The following SLC45A4 variants were observed in gnomAD, a reference collection of about 807,000 sequenced individuals.
SLC45A4 encodes the protein polyamine-transporter SLC45A4.
Under a neutral mutation model 63.7 loss-of-function variants are expected in SLC45A4, and 32 were observed. That is an observed-to-expected ratio of 0.50 (90% CI 0.38 to 0.67). The LOEUF (loss-of-function observed/expected upper bound fraction) is 0.67, where lower values mean the gene tolerates loss of function less well. Among genes scored for constraint, SLC45A4 ranks in the 30% least tolerant of loss-of-function variants. The pLI is 0.00. For synonymous variants in SLC45A4, 535 were observed against 510.0 expected (o/e 1.05, Z -0.66); for missense variants, 1,027 against 1,157.7 (o/e 0.89, Z 1.64).
rs1830960579 is a variant in SLC45A4 at position 141,308,118 on chromosome 8, CGGG to C, written c.-426_-424del. The stretch of plus-strand genomic sequence containing the variant: ...CACCTGTCTCCTCCGGCCGGGGCCG[CGGG>C]GGCGGCGGGGCGGCCGGGCCGGGCC... On this transcript the variant is annotated 5_prime_UTR_variant, in exon 1 of 9. Coordinates refer to ENST00000517878, the MANE Select transcript of SLC45A4 (RefSeq NM_001286646.2). 7.7e-6 allele frequency: 1 copy of C among 130,572 alleles called. No homozygotes were observed. Among genetic ancestry groups the C allele is most frequent in the South Asian group, 2.1e-4 (1 of 4,820 alleles). 8.1% of individuals were successfully genotyped at this position (130,572 alleles called of 1,614,324 possible). A position where few individuals can be genotyped will look rare whatever the true frequency, so the allele number is the denominator to read the frequency against.
In SLC45A4 at chr8:141,207,993, G is replaced by C. The variant is rs1825611092; in HGVS notation, c.*3579C>G. On this transcript the variant is annotated 3_prime_UTR_variant, in exon 9 of 9. Coordinates refer to ENST00000517878, the MANE Select transcript of SLC45A4 (RefSeq NM_001286646.2). ...CCTGTGGCACCAGGCTTGGAGGCAG[G>C]GAGCTGGTGTCTCTCAGAAGCGGCG... is the stretch of plus-strand genomic sequence containing the variant. 6.6e-6 allele frequency: 1 copy of C among 152,382 alleles called. No individual in the cohort carries two copies. Among genetic ancestry groups the C allele is most frequent in the South Asian group, 2.1e-4 (1 of 4,842 alleles). The allele number at this position is 152,382 out of a possible 1,614,324, so 9.4% of individuals were successfully genotyped here.
chr8:141,232,666 C>T (rs1002305042), intron 2 of SLC45A4, among the ~76,000 whole-genome samples: 2 of 150,770 alleles, frequency 1.3e-5, no homozygotes, highest in African/African-American at 4.9e-5. Context: ...CACAGACATT[C>T]AGTGGCTCCC....
chr8:141,271,600 T>G (rs1375307901), intron 1 of SLC45A4, among the ~76,000 whole-genome samples: 4 of 152,218 alleles, frequency 2.6e-5, no homozygotes, highest in Non-Finnish European at 5.9e-5. Context: ...ATCCCCTTCC[T>G]GACCCCATTT....
At chr8:141,275,918 T>G (rs1285266355) in intron 1 of SLC45A4, among the ~76,000 whole-genome samples, 1 of 148,062 alleles carries the variant, frequency 6.8e-6, no homozygotes, top group Non-Finnish European at 1.5e-5. Flanking sequence ...AAACTTTACT[T>G]TTTTTTTTTT....
At chr8:141,286,323 C>T (rs551215287) in intron 1 of SLC45A4, among the ~76,000 whole-genome samples, 2 of 152,310 alleles carry the variant, frequency 1.3e-5, no homozygotes, top group East Asian at 3.9e-4. Flanking sequence ...CCTCACCACC[C>T]TGCGTGAGAC....
intron 2 of SLC45A4, among the ~76,000 whole-genome samples, chr8:141,239,390 G>C (rs1827789910): frequency 6.6e-6 from 1 of 152,154 alleles, no homozygotes; most frequent in South Asian, 2.1e-4. Flanking sequence ...GAGTGTACCT[G>C]AACTGCAGAA....
At chr8:141,243,853 A>AT (rs1192235806) in intron 2 of SLC45A4, among the ~76,000 whole-genome samples, 1 of 152,012 alleles carries the variant, frequency 6.6e-6, no homozygotes, top group Non-Finnish European at 1.5e-5. Context: ...CTTCTTAATA[A>AT]TTTTCTTAGC....
intron 2 of SLC45A4, among the ~76,000 whole-genome samples, chr8:141,243,857 TCTTAG>T (rs1468332257): frequency 6.6e-6 from 1 of 152,192 alleles, no homozygotes; most frequent in Non-Finnish European, 1.5e-5. Flanking sequence ...TTAATAATTT[TCTTAG>T]CTATGTTTTC....
chr8:141,249,772 A>G (rs929366938), intron 2 of SLC45A4, among the ~76,000 whole-genome samples: 1 of 152,148 alleles, frequency 6.6e-6, no homozygotes, highest in African/African-American at 2.4e-5. Flanking sequence ...ATCAGGGAAA[A>G]CTTTGGTCAC....
In SLC45A4 at chr8:141,215,900, G is replaced by A; in HGVS notation, c.1800C>T (p.Gly600=). 1 of 1,614,128 alleles carries A rather than the reference G, an allele frequency of 6.2e-7. No individual in the cohort carries two copies. The highest frequency in any genetic ancestry group is 8.5e-7 in the Non-Finnish European group (1 of 1,180,018). Reference sequence around the variant, plus strand: ...CCATCACGGCTGTGCCGACAGAGAAGCCCAGCGTCCCCAGCACGTAGATCA... The same window carrying A: ...CCATCACGGCTGTGCCGACAGAGAAACCCAGCGTCCCCAGCACGTAGATCA... The part of the protein sequence containing the change: ...VRVIYVLGTL[G]FSVGTAVMAM... The change falls in exon 7 of 9, where the codon GGC becomes GGT. Residue 600 remains glycine, a synonymous_variant. Coordinates refer to ENST00000517878, the MANE Select transcript of SLC45A4 (RefSeq NM_001286646.2). The surrounding 1 kb of genome is among the most constrained non-coding windows in gnomAD (Gnocchi z 4.3).
At chr8:141,263,042 T>G (rs1259128383) in intron 1 of SLC45A4, among the ~76,000 whole-genome samples, 6 of 151,784 alleles carry the variant, frequency 4.0e-5, no homozygotes, top group East Asian at 3.9e-4. Flanking sequence ...CCATAAAAAA[T>G]GATGAGTTCA....
At chr8:141,236,573 C>T (rs1827635675) in intron 2 of SLC45A4, among the ~76,000 whole-genome samples, 1 of 152,172 alleles carries the variant, frequency 6.6e-6, no homozygotes, top group Non-Finnish European at 1.5e-5. Flanking sequence ...ACACATGTAC[C>T]TATCCTTCTG....
intron 1 of SLC45A4, among the ~76,000 whole-genome samples, chr8:141,303,377 C>T (rs538193812): frequency 6.1e-5 from 9 of 147,014 alleles, no homozygotes; most frequent in African/African-American, 2.0e-4. Context: ...TGGACTCAAG[C>T]GATCCTCCTG....
chr8:141,258,645 G>A (rs1828913862), intron 1 of SLC45A4, among the ~76,000 whole-genome samples: 1 of 152,188 alleles, frequency 6.6e-6, no homozygotes, highest in African/African-American at 2.4e-5. Context: ...CTACTCCAGA[G>A]GCTGAGGCAG....
intron 2 of SLC45A4, among the ~76,000 whole-genome samples, chr8:141,235,963 G>A (rs1265822270): frequency 1.3e-5 from 2 of 152,146 alleles, no homozygotes; most frequent in Admixed American, 1.3e-4. Context: ...AATTAGCCGG[G>A]TGTGGTGGTA....
At chr8:141,223,656 C>CCT (rs1471412255) in intron 2 of SLC45A4, among the ~76,000 whole-genome samples, 1 of 152,234 alleles carries the variant, frequency 6.6e-6, no homozygotes, top group African/African-American at 2.4e-5. Context: ...CCTGGGAACC[C>CCT]CTCCTGCTGT....
At chr8:141,297,636 G>A (rs1388409161) in intron 1 of SLC45A4, among the ~76,000 whole-genome samples, 1 of 152,198 alleles carries the variant, frequency 6.6e-6, no homozygotes, top group East Asian at 1.9e-4. Context: ...GGCACGAACT[G>A]TCAGGAACCA....
chr8:141,294,746 C>T (rs553404982), intron 1 of SLC45A4, among the ~76,000 whole-genome samples: 4 of 152,352 alleles, frequency 2.6e-5, no homozygotes, highest in Non-Finnish European at 2.9e-5. Context: ...GAGAGGGGAG[C>T]GGCGGTGCTG....
chr8:141,284,381 G>A (rs996988880), intron 1 of SLC45A4, among the ~76,000 whole-genome samples: 7 of 152,196 alleles, frequency 4.6e-5, no homozygotes, highest in Non-Finnish European at 8.8e-5. Flanking sequence ...GTCTCTCCTC[G>A]CACCAGCTCG....
Sources: gnomAD v4.1 joint callset for allele counts (sites outside exome capture counted in the v4.1 genomes callset) on GRCh38, gnomAD v4.1.1 for gene constraint, Gnocchi (gnomAD v3.1) non-coding constraint, MANE v1.5 for transcripts, NCBI Gene and HGNC (gene_info 2026-07-23, HGNC 2026-07-21) for gene names.